The following SSH2 variants were observed in gnomAD, a reference collection of about 807,000 sequenced individuals.
The protein encoded by SSH2 is slingshot protein phosphatase 2, also known as protein phosphatase Slingshot homolog 2.
A neutral mutation model predicts 135.2 loss-of-function variants in SSH2; 37 were observed. The observed-to-expected ratio is 0.27, with a 90% confidence interval of 0.21 to 0.36. SSH2 has a LOEUF of 0.36. Among genes scored for constraint, SSH2 ranks in the 10% least tolerant of loss-of-function variants. The pLI, the probability that SSH2 is intolerant of heterozygous loss-of-function variation, is 1.00. For synonymous variants in SSH2, 628 were observed against 646.2 expected, an observed-to-expected ratio of 0.97 and a Z score of 0.43; for missense variants, 1,408 against 1,765.3, an observed-to-expected ratio of 0.80 and a Z score of 3.63.
At chr17:29,724,672 C>T (rs1252212931) in intron 3 of SSH2, among the ~76,000 whole-genome samples, 1 of 148,802 alleles carries the variant, frequency 6.7e-6, no homozygotes, top group Non-Finnish European at 1.5e-5. Flanking sequence ...TCACTGCAAC[C>T]TCCACCTCAC....
At chr17:29,652,412 C>CT (rs1370998521) in intron 12 of SSH2, among the ~76,000 whole-genome samples, 3 of 152,104 alleles carry the variant, frequency 2.0e-5, no homozygotes, top group Admixed American at 6.5e-5. Flanking sequence ...GAGGTGATTC[C>CT]TGAAGGGTAC....
chr17:29,857,377 A>G (rs1272128927), intron 1 of SSH2, among the ~76,000 whole-genome samples: 1 of 152,218 alleles, frequency 6.6e-6, no homozygotes, highest in African/African-American at 2.4e-5. Context: ...TCATGAGAAC[A>G]GCACGGGAAA....
intron 3 of SSH2, among the ~76,000 whole-genome samples, chr17:29,731,558 C>T (rs1174472206): frequency 1.3e-5 from 2 of 151,942 alleles, no homozygotes; most frequent in Admixed American, 6.6e-5. Context: ...CAGGTTCAAG[C>T]GATTCTCGTG....
At chr17:29,887,797 AT>A (rs1321355532) in intron 1 of SSH2, among the ~76,000 whole-genome samples, 1 of 152,228 alleles carries the variant, frequency 6.6e-6, no homozygotes, top group Non-Finnish European at 1.5e-5. Flanking sequence ...CTAAATACTA[AT>A]TTTAGAAAAT....
At chr17:29,726,262 GGGGA>G (rs1434500075) in intron 3 of SSH2, among the ~76,000 whole-genome samples, 8 of 152,136 alleles carry the variant, frequency 5.3e-5, no homozygotes, top group Non-Finnish European at 1.0e-4. Context: ...TTTCAGGCAG[GGGGA>G]GCAGCATGTG....
chr17:29,736,684 G>C (rs535788856), intron 3 of SSH2, among the ~76,000 whole-genome samples: 1 of 150,076 alleles, frequency 6.7e-6, no homozygotes, highest in East Asian at 2.0e-4. Flanking sequence ...CTACTCAGGA[G>C]GCTGAGGCAG....
chr17:29,796,534 C>T (rs938459749), intron 2 of SSH2, among the ~76,000 whole-genome samples: 1 of 151,618 alleles, frequency 6.6e-6, no homozygotes, highest in Admixed American at 6.6e-5. Context: ...TAGAGACGGG[C>T]TTTCTCCATG....
At chr17:29,833,813 C>T (rs1387482329) in intron 2 of SSH2, among the ~76,000 whole-genome samples, 2 of 41,166 alleles carry the variant, frequency 4.9e-5, no homozygotes, top group Non-Finnish European at 8.9e-5. Context: ...CTCCCTCTCT[C>T]CCTCCCTTCC....
At chr17:29,899,917 C>A (rs1284575745) in intron 1 of SSH2, among the ~76,000 whole-genome samples, 1 of 152,144 alleles carries the variant, frequency 6.6e-6, no homozygotes, top group South Asian at 2.1e-4. Context: ...CAGCATGGTA[C>A]TGGTACCAAA....
At position 29,630,594 on chromosome 17, in the gene SSH2, A is replaced by G; in HGVS notation, c.*247T>C. ...TTGATAAAGGTGTTCTCTGAAAATG[A>G]CTTTTTTGAGGTTTGATTTTTTTAA... On this transcript the variant is annotated 3_prime_UTR_variant, in exon 16 of 16. Coordinates refer to ENST00000540801, the MANE Select transcript of SSH2 (RefSeq NM_001282129.2). 1 of 313,254 alleles carries G rather than the reference A, an allele frequency of 3.2e-6. No homozygotes were observed. The highest frequency in any genetic ancestry group is 2.1e-5 in the African/African-American group (1 of 46,704). 19.4% of individuals were successfully genotyped at this position (313,254 alleles called of 1,614,324 possible). A position where few individuals can be genotyped will look rare whatever the true frequency, so the allele number is the denominator to read the frequency against.
intron 2 of SSH2, among the ~76,000 whole-genome samples, chr17:29,837,592 C>T (rs1030998772): frequency 3.9e-5 from 6 of 152,244 alleles, no homozygotes; most frequent in African/African-American, 1.2e-4. Flanking sequence ...CCCCCACCCT[C>T]GCACGGCTGG....
At chr17:29,793,991 A>C (rs889409277) in intron 2 of SSH2, 54 bp from the exon 3 acceptor site, 12 of 1,244,414 alleles carry the variant, frequency 9.6e-6, no homozygotes, top group Non-Finnish European at 1.4e-5. Flanking sequence ...TCATATCATA[A>C]TATCACTAAT....
chr17:29,915,993 C>A (rs1248509426), intron 1 of SSH2, among the ~76,000 whole-genome samples: 1 of 121,636 alleles, frequency 8.2e-6, no homozygotes, highest in Non-Finnish European at 1.6e-5. Context: ...CCCCACCCCA[C>A]AACATGCCCC....
chr17:29,655,352 C>A (rs1363134812), intron 12 of SSH2, among the ~76,000 whole-genome samples: 1 of 152,180 alleles, frequency 6.6e-6, no homozygotes, highest in African/African-American at 2.4e-5. Flanking sequence ...ATCCACCCGC[C>A]TCAGCTTCCC....
intron 3 of SSH2, among the ~76,000 whole-genome samples, chr17:29,756,330 G>C (rs1249037502): frequency 1.3e-5 from 2 of 151,608 alleles, no homozygotes; most frequent in Non-Finnish European, 2.9e-5. Flanking sequence ...GAGTGCAATG[G>C]CACGATCATA....
chr17:29,756,976 A>G (rs1807304009), intron 3 of SSH2, among the ~76,000 whole-genome samples: 1 of 152,148 alleles, frequency 6.6e-6, no homozygotes, highest in East Asian at 1.9e-4. Flanking sequence ...TTCTAAACCC[A>G]CAGCAAACCT....
intron 3 of SSH2, among the ~76,000 whole-genome samples, chr17:29,743,811 A>G (rs2151213296): frequency 6.6e-6 from 1 of 152,222 alleles, no homozygotes; most frequent in Non-Finnish European, 1.5e-5. Flanking sequence ...AGAATCACTA[A>G]ATGTTATGAA....
intron 3 of SSH2, among the ~76,000 whole-genome samples, chr17:29,711,818 G>A (rs2039440566): frequency 6.6e-6 from 1 of 152,202 alleles, no homozygotes. Context: ...CATGGGGAGT[G>A]TCGAGGTATG....
intron 4 of SSH2, among the ~76,000 whole-genome samples, chr17:29,702,585 G>A (rs142130147): frequency 0.018 from 2,795 of 152,316 alleles, 49 homozygotes; most frequent in Non-Finnish European, 0.027. Context: ...AACCCAGGAG[G>A]TGGAGGTTGC....
Sources: gnomAD v4.1 joint callset for allele counts (sites outside exome capture counted in the v4.1 genomes callset) on GRCh38, gnomAD v4.1.1 for gene constraint, MANE v1.5 for transcripts, NCBI Gene and HGNC (gene_info 2026-07-23, HGNC 2026-07-21) for gene names.